The following TRIM49 variants were observed in gnomAD, a reference collection of about 807,000 sequenced individuals.
TRIM49 encodes tripartite motif-containing protein 49.
Under a neutral mutation model 27.4 loss-of-function variants are expected in TRIM49, and 5 were observed. The observed-to-expected ratio is 0.18, with a 90% CI of 0.10 to 0.38. The LOEUF (loss-of-function observed/expected upper bound fraction) is 0.38, where lower values mean the gene tolerates loss of function less well. TRIM49 is among the 10% of genes least tolerant of loss of function. The pLI is 1.00. For synonymous variants in TRIM49, 69 were observed against 166.0 expected (o/e 0.42, Z 4.49); for missense variants, 188 against 487.5 (o/e 0.39, Z 5.79).
the TRIM49 span, among the ~76,000 whole-genome samples, chr11:89,767,790 C>A: frequency 7.4e-6 from 1 of 134,940 alleles, no homozygotes; most frequent in Admixed American, 6.9e-5. Flanking sequence ...TGCTATGAAA[C>A]TTCACCTGAA....
At chr11:89,787,147 C>G in the TRIM49 span, 3 of 197,486 alleles carry the variant, frequency 1.5e-5, no homozygotes, top group Non-Finnish European at 3.1e-5. Flanking sequence ...CGCAGAAGCC[C>G]GAGGGCTCCA....
At chr11:89,796,558 A>G (rs1405373474), downstream of TRIM49, among the ~76,000 whole-genome samples, 2 of 145,694 alleles carry the variant, frequency 1.4e-5, no homozygotes, top group Admixed American at 6.7e-5. Flanking sequence ...CTACTACCTT[A>G]TGCATTATTT....
At chr11:89,801,111 A>G in intron 5 of TRIM49, 123 bp from the exon 6 acceptor site, 1 of 1,497,914 alleles carries the variant, frequency 6.7e-7, no homozygotes, top group Non-Finnish European at 9.0e-7. Flanking sequence ...TCTCTTCTGG[A>G]AAGTATTTTC....
chr11:89,769,734 G>T, the TRIM49 span, among the ~76,000 whole-genome samples: 12 of 114,572 alleles, frequency 1.0e-4, 1 homozygote, highest in South Asian at 1.5e-3. Flanking sequence ...CCATTCCTTT[G>T]TCTGACTCCT....
the TRIM49 span, among the ~76,000 whole-genome samples, chr11:89,769,284 C>G: frequency 3.0e-5 from 4 of 133,432 alleles, no homozygotes; most frequent in South Asian, 4.7e-4. Flanking sequence ...CACTGCAACA[C>G]TTTTAAAATG....
the TRIM49 span, among the ~76,000 whole-genome samples, chr11:89,791,014 G>A: frequency 2.7e-3 from 400 of 147,138 alleles, 31 homozygotes; most frequent in African/African-American, 9.8e-3. Flanking sequence ...AAGATTAGAT[G>A]AATGGCTAAC....
chr11:89,795,487 G>A (rs1430879415), downstream of TRIM49, among the ~76,000 whole-genome samples: 1 of 40,836 alleles, frequency 2.4e-5, no homozygotes, highest in Non-Finnish European at 5.1e-5. Flanking sequence ...GGAACCAACC[G>A]AAATGTCCAA....
intron 3 of TRIM49, 59 bp from the exon 4 acceptor site, chr11:89,803,852 A>C: frequency 1.2e-6 from 1 of 836,688 alleles, no homozygotes; most frequent in Admixed American, 2.9e-5. Flanking sequence ...GAGGGGGCCC[A>C]GAATGAGAGA....
At chr11:89,769,756 G>A in the TRIM49 span, among the ~76,000 whole-genome samples, 1 of 113,032 alleles carries the variant, frequency 8.8e-6, no homozygotes, top group South Asian at 3.1e-4. Flanking sequence ...TTGGATCCAG[G>A]AGTTTTCCTG....
the TRIM49 span, among the ~76,000 whole-genome samples, chr11:89,783,606 C>A: frequency 7.5e-6 from 1 of 133,470 alleles, no homozygotes; most frequent in Non-Finnish European, 1.6e-5. Flanking sequence ...ATAGTGGAGA[C>A]TGGCCTTAAA....
At position 89,807,102 on chromosome 11, in the gene TRIM49, G is replaced by A. The variant is rs1357649467; in HGVS notation, c.-8C>T. 6.6e-6 allele frequency: 1 copy of A among 152,288 alleles called. No homozygotes were observed. The highest frequency in any genetic ancestry group is 2.4e-5 in the African/African-American group (1 of 41,354). 9.4% of individuals were successfully genotyped at this position (152,288 alleles called of 1,614,324 possible). A position where few individuals can be genotyped will look rare whatever the true frequency, so the allele number is the denominator to read the frequency against. The stretch of plus-strand genomic sequence containing the variant: ...TTTATCAATATGTTTCACTCACCCT[G>A]GAGTTCTTTTAATGGTTCCCACAAC... On this transcript the variant is annotated 5_prime_UTR_variant, in exon 2 of 8. Transcript: ENST00000329758.
At chr11:89,802,474 A>G (rs1219645582) in intron 4 of TRIM49, among the ~76,000 whole-genome samples, 7 of 150,904 alleles carry the variant, frequency 4.6e-5, no homozygotes, top group African/African-American at 1.7e-4. Context: ...TCTGAAACAT[A>G]GACTTCTTTG....
At chr11:89,777,540 T>C in the TRIM49 span, 1,028 of 1,247,176 alleles carry the variant, frequency 8.2e-4, 10 homozygotes, top group Non-Finnish European at 1.0e-3. Flanking sequence ...TCAATGTTGC[T>C]GGCTAATTTG....
the TRIM49 span, among the ~76,000 whole-genome samples, chr11:89,776,767 C>G: frequency 6.6e-6 from 1 of 151,806 alleles, no homozygotes; most frequent in African/African-American, 2.4e-5. Flanking sequence ...AGTCCTGAAC[C>G]AAATCTTCAA....
At chr11:89,770,714 A>C in the TRIM49 span, among the ~76,000 whole-genome samples, 1 of 141,174 alleles carries the variant, frequency 7.1e-6, no homozygotes, top group South Asian at 2.2e-4. Flanking sequence ...AAAAAAAAAA[A>C]AATTAGCTGG....
the TRIM49 span, chr11:89,768,135 A>G: frequency 9.3e-6 from 9 of 965,210 alleles, no homozygotes; most frequent in Non-Finnish European, 1.4e-5. Flanking sequence ...CTGCCCATAG[A>G]AAACCATAAC....
downstream of TRIM49, among the ~76,000 whole-genome samples, chr11:89,795,825 T>A (rs200130630): frequency 0.035 from 5,250 of 150,632 alleles, 2 homozygotes; most frequent in Non-Finnish European, 0.052. Flanking sequence ...ACATGGCACA[T>A]GTATACATAT....
the TRIM49 span, among the ~76,000 whole-genome samples, chr11:89,790,535 C>A: frequency 1.3e-5 from 2 of 152,000 alleles, no homozygotes; most frequent in Non-Finnish European, 2.9e-5. Context: ...CGGCCACTTA[C>A]TCCTCTGAGA....
chr11:89,791,767 C>T, the TRIM49 span, among the ~76,000 whole-genome samples: 6 of 152,210 alleles, frequency 3.9e-5, no homozygotes, highest in Admixed American at 3.9e-4. Flanking sequence ...AAGGAAGAAC[C>T]AGCACCAGCC....
Sources: gnomAD v4.1 joint callset for allele counts (sites outside exome capture counted in the v4.1 genomes callset) on GRCh38, gnomAD v4.1.1 for gene constraint, MANE v1.5 for transcripts, NCBI Gene and HGNC (gene_info 2026-07-23, HGNC 2026-07-21) for gene names.